Variants in VWA5B1 observed in about 807,000 individuals in gnomAD.
The protein encoded by VWA5B1 is von Willebrand factor A domain-containing protein 5B1.
A neutral mutation model predicts 118.2 loss-of-function variants in VWA5B1; 115 were observed. The ratio of observed to expected loss-of-function variants is 0.97; its 90% CI spans 0.84 to 1.14. The LOEUF (loss-of-function observed/expected upper bound fraction) is 1.14. Ranked by LOEUF, VWA5B1 falls within the 50% of genes most tolerant of loss-of-function variation. The pLI is 0.00. For synonymous variants in VWA5B1, 682 were observed against 658.4 expected, an observed-to-expected ratio of 1.04 and a Z score of -0.55; for missense variants, 1,596 against 1,603.8, an observed-to-expected ratio of 1.00 and a Z score of 0.08.
chr1:20,341,873 A>G (rs1481280275), intron 14 of VWA5B1, among the ~76,000 whole-genome samples: 1 of 152,214 alleles, frequency 6.6e-6, no homozygotes, highest in African/African-American at 2.4e-5. Context: ...ATTCAAATGG[A>G]AAAACTGCAT....
At chr1:20,349,822 T>C (rs917422086) in intron 18 of VWA5B1, among the ~76,000 whole-genome samples, 1 of 151,402 alleles carries the variant, frequency 6.6e-6, no homozygotes, top group Non-Finnish European at 1.5e-5. Flanking sequence ...CTGCGTATTA[T>C]CTCATTTCAT....
intron 16 of VWA5B1, 82 bp downstream of exon 16, chr1:20,343,475 C>T (rs912291919): frequency 6.3e-5 from 91 of 1,441,828 alleles, no homozygotes; most frequent in Non-Finnish European, 8.0e-5. Flanking sequence ...CCTTCCCCAC[C>T]CGCCCCCGGT....
intron 20 of VWA5B1, 141 bp downstream of exon 20, chr1:20,351,067 C>A: frequency 1.4e-6 from 1 of 730,262 alleles, no homozygotes. Flanking sequence ...GCACTCCTGC[C>A]CAGAGCAATC....
intron 4 of VWA5B1, among the ~76,000 whole-genome samples, chr1:20,316,932 C>T (rs186571094): frequency 9.9e-5 from 15 of 151,964 alleles, no homozygotes; most frequent in African/African-American, 1.4e-4. Flanking sequence ...CCGAGACGGG[C>T]GGATCACGAG....
chr1:20,351,362 T>A lies in VWA5B1; in HGVS notation c.3023+436T>A, dbSNP rs573415105. On this transcript the variant is annotated intron_variant, in intron 20 of 21. Coordinates refer to ENST00000289815, the MANE Select transcript of VWA5B1 (RefSeq NM_001039500.3). ...AGTAAGACCCTGTCTCTACAAAAAA[T>A]TTAAAAATAGGCCAGGCATGGTGGC... Among the ~76,000 whole-genome samples, 10 of 150,872 alleles carry A rather than the reference T, an allele frequency of 6.6e-5. No individual in the cohort carries two copies. In the East Asian group the frequency reaches 1.6e-3, roughly 24 times the overall value.
chr1:20,316,272 A>G (rs899134709), intron 4 of VWA5B1, among the ~76,000 whole-genome samples: 1 of 152,164 alleles, frequency 6.6e-6, no homozygotes, highest in Non-Finnish European at 1.5e-5. Context: ...AAGTTCTTTC[A>G]CAAGTCCAAA....
intron 7 of VWA5B1, among the ~76,000 whole-genome samples, chr1:20,319,940 G>T (rs2089154490): frequency 6.6e-6 from 1 of 151,050 alleles, no homozygotes; most frequent in South Asian, 2.1e-4. Flanking sequence ...AAAGGACAAA[G>T]GCAGAGTGGG....
intron 7 of VWA5B1, 59 bp downstream of exon 7, chr1:20,319,565 G>A (rs1018352748): frequency 6.5e-7 from 1 of 1,544,304 alleles, no homozygotes; most frequent in African/African-American, 1.4e-5. Flanking sequence ...GCTGAGGCCT[G>A]GTCTCCACTG....
Position 20,330,241 on chromosome 1 carries a change from A to G in VWA5B1, c.1316A>G (p.Asn439Ser). ...QRMKADMGGT[N>S]ILSPLKWVIR... ...ATGAAGGCCGACATGGGTGGGACCA[A>G]CATCCTTTCCCCTCTCAAGTGGGTC... The change falls in exon 10 of 22, where the codon AAC becomes AGC. Residue 439 changes from asparagine to serine, a missense_variant. By Grantham distance (46) the Asn-to-Ser change is conservative. Coordinates refer to ENST00000289815, the MANE Select transcript of VWA5B1 (RefSeq NM_001039500.3). 1.3e-6 allele frequency: 2 copies of G among 1,551,754 alleles called. No homozygotes were observed. Among genetic ancestry groups the G allele is most frequent in the Non-Finnish European group, 1.7e-6 (2 of 1,147,012 alleles).
chr1:20,328,173 T>C (rs1460385384), intron 9 of VWA5B1, among the ~76,000 whole-genome samples, 173 bp downstream of exon 9: 1 of 151,992 alleles, frequency 6.6e-6, no homozygotes, highest in Non-Finnish European at 1.5e-5. Context: ...CTATCTCTGT[T>C]TGGACATTTT....
At chr1:20,332,249 G>T (rs891513906) in intron 11 of VWA5B1, among the ~76,000 whole-genome samples, 1 of 152,118 alleles carries the variant, frequency 6.6e-6, no homozygotes, top group Non-Finnish European at 1.5e-5. Context: ...GGAGGCCTAG[G>T]AAGGTGGATC....
intron 7 of VWA5B1, 21 bp downstream of exon 7, chr1:20,319,527 G>T: frequency 6.4e-7 from 1 of 1,551,086 alleles, no homozygotes; most frequent in South Asian, 1.2e-5. Flanking sequence ...CTGAGGTGGG[G>T]AGCGGACGGT....
At chr1:20,345,872 C>T (rs368020527) in intron 17 of VWA5B1, among the ~76,000 whole-genome samples, 14 of 152,300 alleles carry the variant, frequency 9.2e-5, no homozygotes, top group African/African-American at 3.4e-4. Context: ...ACAATATGTG[C>T]TCATTATAGA....
Position 20,354,339 on chromosome 1 carries a change from G to C in VWA5B1, c.*76G>C, listed in dbSNP as rs550607308. Reference sequence around the variant, plus strand: ...GGCAGGGCCATGTCGGCCTGGTTTCGGGGAGCTTTTGGAGCTGTAACTAAT... The same window carrying C: ...GGCAGGGCCATGTCGGCCTGGTTTCCGGGAGCTTTTGGAGCTGTAACTAAT... On this transcript the variant is annotated 3_prime_UTR_variant, in exon 22 of 22. Transcript: ENST00000289815. The C allele has an allele frequency of 4.8e-6, 7 of 1,461,398 alleles. No individual in the cohort carries two copies. The highest frequency in any genetic ancestry group is 6.4e-6 in the Non-Finnish European group (7 of 1,099,828). 90.5% of individuals were successfully genotyped at this position (1,461,398 alleles called of 1,614,324 possible).
chr1:20,300,449 G>A (rs910601775), intron 1 of VWA5B1, among the ~76,000 whole-genome samples: 2 of 152,118 alleles, frequency 1.3e-5, no homozygotes, highest in Non-Finnish European at 2.9e-5. Context: ...GAGGGACCCC[G>A]TGGGAAGGAC....
intron 7 of VWA5B1, among the ~76,000 whole-genome samples, chr1:20,322,257 G>C (rs1435013230): frequency 2.0e-5 from 3 of 152,146 alleles, no homozygotes; most frequent in Non-Finnish European, 4.4e-5. Flanking sequence ...TATTGAGATG[G>C]GGAAGGAACC....
chr1:20,342,578 GA>G lies in VWA5B1; in HGVS notation c.2281del (p.Thr761LeufsTer67). 1 of 1,512,366 alleles carries G rather than the reference GA, an allele frequency of 6.6e-7. No individual in the cohort carries two copies. The allele number at this position is 1,512,366 out of a possible 1,614,324, so 93.7% of individuals were successfully genotyped here. A position where few individuals can be genotyped will look rare whatever the true frequency, so the allele number is the denominator to read the frequency against. ...AGGCCTGGAGCCCTGTGAGAGAGCG[GA>G]CTTCTGACAGCCGAAGCCCTGGAGA... ...TQAWSPVRER[T>X]SDSRSPGDLE... is the part of the protein sequence containing the mutation. On this transcript the variant is annotated frameshift_variant, in exon 15 of 22. Coordinates refer to ENST00000289815, the MANE Select transcript of VWA5B1 (RefSeq NM_001039500.3). LOFTEE classifies it high-confidence loss of function.
In VWA5B1 at chr1:20,318,738, C is replaced by T. The variant is rs915986101; in HGVS notation, c.841+17C>T. The T allele has an allele frequency of 2.8e-5, 41 of 1,469,066 alleles. No homozygotes were observed. The highest frequency in any genetic ancestry group is 1.8e-4 in the Middle Eastern group (1 of 5,478). The allele number at this position is 1,469,066 out of a possible 1,614,324, so 91.0% of individuals were successfully genotyped here. On this transcript the variant is annotated intron_variant, in intron 6 of 21. Coordinates refer to ENST00000289815, the MANE Select transcript of VWA5B1 (RefSeq NM_001039500.3). ...ACCCCAGCGGTACGGTGCCCCACAA[C>T]GGGCCCCTGGGCTGCCTGTGGGAGG...
rs6664031 is a variant in VWA5B1, at chr1:20,358,849, G to C, written c.*4586G>C. Among the ~76,000 whole-genome samples the C allele has an allele frequency of 0.018, 2,800 of 152,340 alleles. 85 individuals are homozygous for C. The highest frequency in any genetic ancestry group is 0.062 in the African/African-American group (2,580 of 41,572). ...CAGTGTAAAAATAACCAGGGCAGGG[G>C]TGTGTGTGGCATTTTGCAGCTGGGT... On this transcript the variant is annotated 3_prime_UTR_variant, in exon 22 of 22. Transcript: ENST00000289815.
Sources: gnomAD v4.1 joint callset for allele counts (sites outside exome capture counted in the v4.1 genomes callset) on GRCh38, gnomAD v4.1.1 for gene constraint, MANE v1.5 for transcripts, NCBI Gene and HGNC (gene_info 2026-07-23, HGNC 2026-07-21) for gene names.